CNOT10: variants seen among roughly 807,000 people sequenced by gnomAD.
CNOT10 encodes CCR4-NOT transcription complex, subunit 10.
A neutral mutation model predicts 94.6 loss-of-function variants in CNOT10; 30 were observed. The ratio of observed to expected loss-of-function variants is 0.32; its 90% CI spans 0.24 to 0.43. The LOEUF (loss-of-function observed/expected upper bound fraction) is 0.43. Ranked by LOEUF, CNOT10 falls within the 20% of genes least tolerant of loss-of-function variation. The probability of loss-of-function intolerance (pLI) is 1.00; values close to 1 mark genes in which losing one functional copy is unlikely to be tolerated. For missense variants in CNOT10, 759 were observed against 877.2 expected, an observed-to-expected ratio of 0.87 and a Z score of 1.70; for synonymous variants, 289 against 301.6, an observed-to-expected ratio of 0.96 and a Z score of 0.43.
Position 32,764,315 on chromosome 3 carries a change from C to G in CNOT10, c.1841-140C>G, listed in dbSNP as rs1049754355. The G allele has an allele frequency of 3.9e-6, 3 of 773,786 alleles. No individual in the cohort carries two copies. The African/African-American group carries it at 5.5e-5, about 14-fold the overall frequency. The allele number at this position is 773,786 out of a possible 1,614,324, so 47.9% of individuals were successfully genotyped here. The stretch of plus-strand genomic sequence containing the variant: ...TCATGCCCCTGCACTCCAGCCTGGG[C>G]AACAGAGCGAGGCTCCATCTCAAAA... On this transcript the variant is annotated intron_variant, in intron 15 of 18. Transcript: ENST00000328834.
intron 13 of CNOT10, among the ~76,000 whole-genome samples, chr3:32,744,784 A>G (rs1699622612): frequency 6.6e-6 from 1 of 152,214 alleles, no homozygotes; most frequent in South Asian, 2.1e-4. Context: ...AACAGATACC[A>G]CAATCCTCAG....
rs538011812 is a variant in CNOT10 at position 32,734,673 on chromosome 3, A to G, written c.1338-127A>G. The G allele has an allele frequency of 2.7e-5, 20 of 734,326 alleles. No homozygotes were observed. The South Asian group carries it at 4.8e-4, about 17-fold the overall frequency. The allele number at this position is 734,326 out of a possible 1,614,324, so 45.5% of individuals were successfully genotyped here. On this transcript the variant is annotated intron_variant, in intron 11 of 18. Transcript: ENST00000328834. ...TTAGCATGCTTTTATAACTGCTTAT[A>G]TTAAAATTTCTACCTATCAAAAGGC...
intron 1 of CNOT10, among the ~76,000 whole-genome samples, chr3:32,698,412 A>ATAATAT (rs1200156513): frequency 1.9e-4 from 29 of 152,286 alleles, no homozygotes; most frequent in African/African-American, 5.1e-4. Flanking sequence ...GGTGACTCTC[A>ATAATAT]AAAGGGTGTT....
At chr3:32,699,072 C>T (rs546904005) in intron 1 of CNOT10, among the ~76,000 whole-genome samples, 44 of 152,304 alleles carry the variant, frequency 2.9e-4, no homozygotes, top group African/African-American at 1.0e-3. Context: ...AGGTGTGAGC[C>T]ACCACACCTG....
At chr3:32,693,974 A>G (rs1185386394) in intron 1 of CNOT10, among the ~76,000 whole-genome samples, 1 of 152,164 alleles carries the variant, frequency 6.6e-6, no homozygotes, top group Non-Finnish European at 1.5e-5. Flanking sequence ...AAGAGTCACT[A>G]TAAGTTTAAT....
chr3:32,761,999 C>T (rs1364369875), intron 14 of CNOT10, among the ~76,000 whole-genome samples: 22 of 150,466 alleles, frequency 1.5e-4, no homozygotes, highest in African/African-American at 3.2e-4. Flanking sequence ...CTCGAACTCC[C>T]GACCTCAGGT....
intron 7 of CNOT10, among the ~76,000 whole-genome samples, chr3:32,719,094 C>A (rs1401709903): frequency 6.6e-6 from 1 of 152,196 alleles, no homozygotes; most frequent in Non-Finnish European, 1.5e-5. Flanking sequence ...ACTAAAAATA[C>A]AAAAATTAGC....
At chr3:32,766,003 A>AT (rs755221571) in intron 17 of CNOT10, among the ~76,000 whole-genome samples, 1,420 of 33,358 alleles carry the variant, frequency 0.043, 499 homozygotes, top group African/African-American at 0.09. Flanking sequence ...TATGCTTTTA[A>AT]TTTTTTTTTT....
chr3:32,718,165 T>A lies in CNOT10; in HGVS notation c.744+928T>A, dbSNP rs562949806. On this transcript the variant is annotated intron_variant, in intron 7 of 18. Transcript: ENST00000328834. ...GGCAGGATCCAGATTAGTCACTGAGTTAGTTAATATGCTAGTGATTTTTGA... is the reference window on the plus strand; with the variant it reads ...GGCAGGATCCAGATTAGTCACTGAGATAGTTAATATGCTAGTGATTTTTGA... 4.6e-5 allele frequency among the ~76,000 whole-genome samples: 7 copies of A among 151,886 alleles called. No individual in the cohort carries two copies. The East Asian group carries it at 1.4e-3, about 29-fold the overall frequency.
intron 1 of CNOT10, among the ~76,000 whole-genome samples, chr3:32,703,115 G>A (rs1315447483): frequency 7.2e-6 from 1 of 139,302 alleles, no homozygotes; most frequent in African/African-American, 2.7e-5. Context: ...TAGTAGTGAC[G>A]GGGTTTCACC....
chr3:32,700,239 G>A (rs925160474), intron 1 of CNOT10, among the ~76,000 whole-genome samples: 5 of 152,126 alleles, frequency 3.3e-5, no homozygotes, highest in Admixed American at 3.3e-4. Context: ...GCCTCCCAAA[G>A]TGCTGGGATT....
At chr3:32,755,843 G>A (rs1700206072) in intron 13 of CNOT10, among the ~76,000 whole-genome samples, 1 of 151,344 alleles carries the variant, frequency 6.6e-6, no homozygotes, top group Admixed American at 6.6e-5. Context: ...AGCATGTGAA[G>A]GGGAGAGTGG....
chr3:32,710,998 G>A (rs1193392034), intron 4 of CNOT10, among the ~76,000 whole-genome samples: 1 of 152,184 alleles, frequency 6.6e-6, no homozygotes, highest in African/African-American at 2.4e-5. Context: ...GATTACAGGT[G>A]TGAACCACCA....
chr3:32,685,519 AC>A, intron 1 of CNOT10, 37 bp downstream of exon 1: 1 of 1,549,322 alleles, frequency 6.5e-7, no homozygotes, highest in Non-Finnish European at 8.7e-7. Context: ...AGACGGCGGG[AC>A]GTGCGGGGCC....
chr3:32,697,028 GC>G (rs1197704626), intron 1 of CNOT10, among the ~76,000 whole-genome samples: 2 of 151,164 alleles, frequency 1.3e-5, no homozygotes, highest in Non-Finnish European at 2.9e-5. Context: ...TCGGCTCACT[GC>G]AGCCTCTGCC....
At chr3:32,690,789 C>T (rs1008805593) in intron 1 of CNOT10, among the ~76,000 whole-genome samples, 8 of 151,922 alleles carry the variant, frequency 5.3e-5, no homozygotes, top group East Asian at 3.9e-4. Context: ...CCTCATGATC[C>T]GCCCGCCTCG....
chr3:32,723,608 A>G (rs1698520632), intron 8 of CNOT10, among the ~76,000 whole-genome samples: 1 of 152,116 alleles, frequency 6.6e-6, no homozygotes, highest in Non-Finnish European at 1.5e-5. Context: ...AAATTTGATC[A>G]CATTAAAATG....
intron 10 of CNOT10, chr3:32,730,929 C>T (rs994589975): frequency 3.9e-5 from 6 of 152,156 alleles, no homozygotes; most frequent in Admixed American, 1.3e-4. Context: ...TTCTGGCTAT[C>T]GGTGCTTGAA....
Position 32,773,773 on chromosome 3 carries a change from A to C in CNOT10, c.*162A>C, listed in dbSNP as rs995137705. The C allele has an allele frequency of 1.2e-5, 8 of 641,702 alleles. No homozygotes were observed. The highest frequency in any genetic ancestry group is 2.0e-5 in the Non-Finnish European group (8 of 401,956). 39.8% of individuals were successfully genotyped at this position (641,702 alleles called of 1,614,324 possible). A position where few individuals can be genotyped will look rare whatever the true frequency, so the allele number is the denominator to read the frequency against. On this transcript the variant is annotated 3_prime_UTR_variant, in exon 19 of 19. Coordinates refer to ENST00000328834, the MANE Select transcript of CNOT10 (RefSeq NM_015442.3). ...AAAGCTTACTTAAAATTAAGGATTT[A>C]CTAAGTCATCATCAGCTGTTTTTCT...
Sources: gnomAD v4.1 joint callset for allele counts (sites outside exome capture counted in the v4.1 genomes callset) on GRCh38, gnomAD v4.1.1 for gene constraint, MANE v1.5 for transcripts, NCBI Gene and HGNC (gene_info 2026-07-23, HGNC 2026-07-21) for gene names.